The following NXPH1 variants were observed in gnomAD, a reference collection of about 807,000 sequenced individuals.
NXPH1 encodes the protein neurexophilin 1, also known as neurexophilin-1.
In NXPH1, 5 loss-of-function variants were observed where a neutral mutation model predicts 23.7. That is an observed-to-expected ratio of 0.21 (90% CI 0.11 to 0.44). NXPH1 has a LOEUF of 0.44. Ranked by LOEUF, NXPH1 falls within the 20% of genes least tolerant of loss-of-function variation. The probability of loss-of-function intolerance (pLI) is 0.99; values close to 1 mark genes in which losing one functional copy is unlikely to be tolerated. For synonymous variants in NXPH1, 144 were observed against 122.2 expected, an observed-to-expected ratio of 1.18 and a Z score of -1.18; for missense variants, 324 against 321.6, an observed-to-expected ratio of 1.01 and a Z score of -0.06.
At chr7:8,560,667 A>C (rs1288639548) in intron 2 of NXPH1, among the ~76,000 whole-genome samples, 4 of 151,642 alleles carry the variant, frequency 2.6e-5, no homozygotes, top group Non-Finnish European at 5.9e-5. Context: ...CTTCCTTCCA[A>C]GCCATTAGTT....
intron 2 of NXPH1, among the ~76,000 whole-genome samples, chr7:8,509,847 C>T (rs2057865): frequency 0.55 from 83,123 of 151,890 alleles, 22,882 homozygotes; most frequent in African/African-American, 0.59. Context: ...CAATGGGAAG[C>T]TGGGCAACAA....
chr7:8,712,666 T>G (rs531519467), intron 2 of NXPH1, among the ~76,000 whole-genome samples: 2 of 152,364 alleles, frequency 1.3e-5, no homozygotes, highest in Admixed American at 6.5e-5. Flanking sequence ...TTACAAGCAT[T>G]ATCTCATTGA....
At chr7:8,705,848 T>C (rs921009712) in intron 2 of NXPH1, among the ~76,000 whole-genome samples, 7 of 152,266 alleles carry the variant, frequency 4.6e-5, no homozygotes, top group Middle Eastern at 3.4e-3. Context: ...TCAAAGATTA[T>C]GGTGGCACAA....
intron 2 of NXPH1, among the ~76,000 whole-genome samples, chr7:8,501,363 C>G (rs1817429902): frequency 6.6e-6 from 1 of 152,008 alleles, no homozygotes; most frequent in Admixed American, 6.6e-5. Context: ...GACTACAAAT[C>G]ATAGCCTGAG....
intron 2 of NXPH1, among the ~76,000 whole-genome samples, chr7:8,471,061 A>G (rs558400533): frequency 6.6e-6 from 1 of 152,218 alleles, no homozygotes; most frequent in African/African-American, 2.4e-5. Context: ...GGCAGATACA[A>G]AGTGATAGCA....
chr7:8,631,662 C>A (rs1820132553), intron 2 of NXPH1, among the ~76,000 whole-genome samples: 1 of 152,078 alleles, frequency 6.6e-6, no homozygotes, highest in Non-Finnish European at 1.5e-5. Context: ...ACGAAATGAC[C>A]ACTTAAAGGA....
chr7:8,690,669 T>C (rs565147283), intron 2 of NXPH1, among the ~76,000 whole-genome samples: 1 of 152,356 alleles, frequency 6.6e-6, no homozygotes, highest in South Asian at 2.1e-4. Context: ...AAGGAAACTC[T>C]ATGGAAATTG....
At chr7:8,521,165 T>C (rs930236564) in intron 2 of NXPH1, among the ~76,000 whole-genome samples, 1 of 152,128 alleles carries the variant, frequency 6.6e-6, no homozygotes, top group Non-Finnish European at 1.5e-5. Context: ...ATGGATATGA[T>C]GAATGTTTTG....
At chr7:8,737,607 G>C (rs1040099925) in intron 2 of NXPH1, among the ~76,000 whole-genome samples, 4 of 152,084 alleles carry the variant, frequency 2.6e-5, no homozygotes, top group African/African-American at 7.2e-5. Context: ...ACAATTATGT[G>C]TCTTGGGATG....
chr7:8,710,474 C>G (rs1308974733), intron 2 of NXPH1, among the ~76,000 whole-genome samples: 2 of 152,184 alleles, frequency 1.3e-5, no homozygotes, highest in African/African-American at 4.8e-5. Context: ...TTTAAAGAAG[C>G]ATTTTTCTGG....
At chr7:8,679,556 A>G (rs1170987699) in intron 2 of NXPH1, among the ~76,000 whole-genome samples, 1 of 152,100 alleles carries the variant, frequency 6.6e-6, no homozygotes, top group Non-Finnish European at 1.5e-5. Flanking sequence ...CTTATTGTCA[A>G]TTTTCCCTCA....
intron 2 of NXPH1, among the ~76,000 whole-genome samples, chr7:8,698,669 A>G (rs1779573621): frequency 6.6e-6 from 1 of 152,168 alleles, no homozygotes. Flanking sequence ...GTGATAAACT[A>G]TTGCTATATG....
At chr7:8,516,089 CT>C (rs1817682402) in intron 2 of NXPH1, among the ~76,000 whole-genome samples, 1 of 152,104 alleles carries the variant, frequency 6.6e-6, no homozygotes, top group South Asian at 2.1e-4. Context: ...TCAAATCCTG[CT>C]TGCTTAAGTC....
intron 2 of NXPH1, among the ~76,000 whole-genome samples, chr7:8,577,242 T>C (rs1236501535): frequency 2.0e-5 from 3 of 152,172 alleles, no homozygotes; most frequent in African/African-American, 7.2e-5. Flanking sequence ...TCGTTTCTTT[T>C]AATATAAGTG....
intron 2 of NXPH1, among the ~76,000 whole-genome samples, chr7:8,680,633 A>G (rs1457558947): frequency 1.3e-5 from 2 of 152,246 alleles, no homozygotes; most frequent in African/African-American, 4.8e-5. Flanking sequence ...CAAAAAGTGA[A>G]GTACAATGCC....
At chr7:8,632,993 T>C (rs888326507) in intron 2 of NXPH1, among the ~76,000 whole-genome samples, 5 of 152,246 alleles carry the variant, frequency 3.3e-5, no homozygotes, top group Admixed American at 2.6e-4. Context: ...CAAATTGTAA[T>C]TAATTCATGT....
At chr7:8,546,685 C>T (rs897918541) in intron 2 of NXPH1, among the ~76,000 whole-genome samples, 6 of 151,426 alleles carry the variant, frequency 4.0e-5, no homozygotes, top group African/African-American at 1.2e-4. Flanking sequence ...GCTTGCTTAT[C>T]TTTCTGCTCA....
intron 2 of NXPH1, among the ~76,000 whole-genome samples, chr7:8,744,548 G>A (rs951772376): frequency 1.3e-5 from 2 of 151,980 alleles, no homozygotes; most frequent in Non-Finnish European, 2.9e-5. Flanking sequence ...ATTACCACAC[G>A]TTTCTTGCAC....
At chr7:8,489,570 C>T (rs1373795592) in intron 2 of NXPH1, among the ~76,000 whole-genome samples, 3 of 152,038 alleles carry the variant, frequency 2.0e-5, no homozygotes, top group African/African-American at 7.2e-5. Flanking sequence ...TCATGAGACC[C>T]TGGGCTGTGC....
Sources: gnomAD v4.1 joint callset for allele counts (sites outside exome capture counted in the v4.1 genomes callset) on GRCh38, gnomAD v4.1.1 for gene constraint, MANE v1.5 for transcripts, NCBI Gene and HGNC (gene_info 2026-07-23, HGNC 2026-07-21) for gene names.